The following SYNPO2 variants were observed in gnomAD, a reference collection of about 807,000 sequenced individuals.
SYNPO2 encodes synaptopodin-2.
A neutral mutation model predicts 85.0 loss-of-function variants in SYNPO2; 56 were observed. That is an observed-to-expected ratio of 0.66 (90% CI 0.53 to 0.82). SYNPO2 has a LOEUF of 0.82. SYNPO2 is among the 40% of genes least tolerant of loss of function. The pLI, the probability that SYNPO2 is intolerant of heterozygous loss-of-function variation, is 0.00. For synonymous variants in SYNPO2, 602 were observed against 591.1 expected, an observed-to-expected ratio of 1.02 and a Z score of -0.27; for missense variants, 1,575 against 1,534.2, an observed-to-expected ratio of 1.03 and a Z score of -0.44.
At chr4:118,953,158 C>T (rs1734752861) in intron 1 of SYNPO2, among the ~76,000 whole-genome samples, 1 of 152,100 alleles carries the variant, frequency 6.6e-6, no homozygotes, top group African/African-American at 2.4e-5. Context: ...TTTAAAGGCT[C>T]AGTATGAGTT....
chr4:119,023,405 T>C, intron 1 of SYNPO2, 25 bp from the exon 2 acceptor site: 2 of 1,587,076 alleles, frequency 1.3e-6, no homozygotes, highest in East Asian at 4.5e-5. Context: ...CATTCTACTA[T>C]GTCTTCTTTT....
chr4:118,943,217 C>G (rs1734381216), intron 1 of SYNPO2, among the ~76,000 whole-genome samples: 1 of 152,172 alleles, frequency 6.6e-6, no homozygotes, highest in African/African-American at 2.4e-5. Flanking sequence ...TGTCCCCAGA[C>G]TTCTCCATGA....
rs565989380 is a variant in SYNPO2 at position 118,997,823 on chromosome 4, A to G, written c.106-25607A>G. On this transcript the variant is annotated intron_variant, in intron 1 of 4. Coordinates refer to ENST00000307142, the MANE Select transcript of SYNPO2 (RefSeq NM_133477.3). ...ACACATTCTTTCCTTAGACATGTTA[A>G]TACCTCCCATTAGTCAGCTCTGTTC... Among the ~76,000 whole-genome samples the G allele has an allele frequency of 3.2e-3, 480 of 152,332 alleles. 4 individuals carry two copies. Among genetic ancestry groups the G allele is most frequent in the Non-Finnish European group, 5.7e-3 (386 of 68,028 alleles).
At position 119,037,273 on chromosome 4, in the gene SYNPO2, A is replaced by AT; in HGVS notation, c.3252+5247dup. The AT allele has an allele frequency of 4.2e-6, 6 of 1,434,510 alleles. No homozygotes were observed. In the South Asian group the frequency reaches 9.7e-5, roughly 23 times the overall value. 88.9% of individuals were successfully genotyped at this position (1,434,510 alleles called of 1,614,324 possible). On this transcript the variant is annotated intron_variant, in intron 4 of 4. Coordinates refer to ENST00000307142, the MANE Select transcript of SYNPO2 (RefSeq NM_133477.3). Reference sequence around the variant, plus strand: ...CATCTCCTATTTCTTGGGCTCCTTAATAACTACTGATGGTTTGTTCATGAA... The same window carrying AT: ...CATCTCCTATTTCTTGGGCTCCTTAATTAACTACTGATGGTTTGTTCATGAA...
intron 1 of SYNPO2, among the ~76,000 whole-genome samples, chr4:119,004,361 T>A (rs1156599638): frequency 6.6e-6 from 1 of 151,400 alleles, no homozygotes; most frequent in Non-Finnish European, 1.5e-5. Flanking sequence ...TATCTCCTAA[T>A]GCTATCCCTA....
chr4:118,916,075 T>C (rs1733307680), intron 1 of SYNPO2, among the ~76,000 whole-genome samples: 1 of 152,162 alleles, frequency 6.6e-6, no homozygotes, highest in South Asian at 2.1e-4. Context: ...ATTGTATATA[T>C]GGTGAATGAC....
intron 1 of SYNPO2, among the ~76,000 whole-genome samples, chr4:118,909,599 A>G (rs1394024734): frequency 1.3e-5 from 2 of 152,210 alleles, no homozygotes; most frequent in African/African-American, 4.8e-5. Context: ...TCATACATAG[A>G]CAGCTTTGAT....
At chr4:118,922,262 C>T (rs1199139436) in intron 1 of SYNPO2, among the ~76,000 whole-genome samples, 1 of 151,988 alleles carries the variant, frequency 6.6e-6, no homozygotes, top group East Asian at 1.9e-4. Flanking sequence ...CGATTCGAAT[C>T]AGGTGTTGTC....
intron 1 of SYNPO2, among the ~76,000 whole-genome samples, chr4:118,996,783 G>C (rs1254289964): frequency 6.6e-6 from 1 of 151,262 alleles, no homozygotes; most frequent in East Asian, 1.9e-4. Context: ...CTCGAACCTG[G>C]GAGGCAGAGG....
At chr4:118,937,248 C>T (rs1734139631) in intron 1 of SYNPO2, among the ~76,000 whole-genome samples, 2 of 152,178 alleles carry the variant, frequency 1.3e-5, no homozygotes, top group Admixed American at 6.5e-5. Flanking sequence ...CTCTATTGCT[C>T]AGTACATTTC....
chr4:118,870,831 C>T (rs141407977), intron 1 of SYNPO2, among the ~76,000 whole-genome samples: 63 of 152,228 alleles, frequency 4.1e-4, no homozygotes, highest in South Asian at 1.9e-3. Context: ...AGCAAACCAC[C>T]ATGGCACATA....
intron 1 of SYNPO2, among the ~76,000 whole-genome samples, chr4:118,877,989 A>G (rs1246237477): frequency 1.3e-5 from 2 of 152,224 alleles, no homozygotes; most frequent in Non-Finnish European, 2.9e-5. Flanking sequence ...CTGGTTTAAA[A>G]AATATGGTAC....
intron 1 of SYNPO2, among the ~76,000 whole-genome samples, chr4:118,913,635 T>C (rs1733213685): frequency 6.7e-6 from 1 of 150,012 alleles, no homozygotes; most frequent in Non-Finnish European, 1.5e-5. Context: ...TGTAATAACA[T>C]TCAAGCTCTA....
At chr4:119,017,545 A>T (rs1578646545) in intron 1 of SYNPO2, among the ~76,000 whole-genome samples, 1 of 15,758 alleles carries the variant, frequency 6.3e-5, no homozygotes, top group African/African-American at 2.1e-4. Context: ...TTTTCTGTCA[A>T]AAAAAAAAAA....
intron 1 of SYNPO2, among the ~76,000 whole-genome samples, chr4:118,971,686 A>G (rs1735546302): frequency 6.6e-6 from 1 of 152,250 alleles, no homozygotes; most frequent in East Asian, 1.9e-4. Context: ...TGAGCGCATC[A>G]TCTGTGAACA....
chr4:118,979,183 C>T (rs188698051), intron 1 of SYNPO2, among the ~76,000 whole-genome samples: 1 of 152,268 alleles, frequency 6.6e-6, no homozygotes, highest in East Asian at 1.9e-4. Flanking sequence ...ACCTTCCTGT[C>T]CAGACTTGCC....
chr4:118,960,367 T>G (rs1735036505), intron 1 of SYNPO2, among the ~76,000 whole-genome samples: 1 of 152,158 alleles, frequency 6.6e-6, no homozygotes, highest in African/African-American at 2.4e-5. Context: ...TCAGAATTGC[T>G]AAAATAAAAA....
chr4:119,011,906 C>T (rs2149179298), intron 1 of SYNPO2, among the ~76,000 whole-genome samples: 2 of 147,934 alleles, frequency 1.4e-5, no homozygotes, highest in South Asian at 4.3e-4. Context: ...TCCCCTTCCT[C>T]TCCTTTCTAT....
intron 1 of SYNPO2, among the ~76,000 whole-genome samples, chr4:118,982,424 T>C (rs1236037767): frequency 4.6e-5 from 7 of 152,188 alleles, no homozygotes; most frequent in Non-Finnish European, 1.0e-4. Flanking sequence ...TAACCTCTTT[T>C]AATTTGGCAG....
Sources: allele counts gnomAD v4.1 joint callset (sites outside exome capture counted in the v4.1 genomes callset), GRCh38; gene constraint gnomAD v4.1.1; transcripts MANE v1.5; gene names NCBI Gene and HGNC (gene_info 2026-07-23, HGNC 2026-07-21).